BTBD10: variants seen among roughly 807,000 people sequenced by gnomAD.
The protein encoded by BTBD10 is BTB domain containing 10.
In BTBD10, 21 loss-of-function variants were observed where a neutral mutation model predicts 53.2. That is an observed-to-expected ratio of 0.39 (90% CI 0.28 to 0.57). The LOEUF is 0.57. BTBD10 is among the 20% of genes least tolerant of loss of function. The pLI, the probability that BTBD10 is intolerant of heterozygous loss-of-function variation, is 0.53. For synonymous variants in BTBD10, 149 were observed against 192.7 expected, an observed-to-expected ratio of 0.77 and a Z score of 1.88; for missense variants, 360 against 594.7, an observed-to-expected ratio of 0.61 and a Z score of 4.10.
At chr11:13,460,699 T>C (rs1303713666) in intron 1 of BTBD10, among the ~76,000 whole-genome samples, 1 of 152,232 alleles carries the variant, frequency 6.6e-6, no homozygotes, top group African/African-American at 2.4e-5. Context: ...TTCCATCCTG[T>C]TGCCAAACCC....
chr11:13,448,034 T>C (rs1950781001), intron 1 of BTBD10, among the ~76,000 whole-genome samples: 1 of 152,182 alleles, frequency 6.6e-6, no homozygotes, highest in Non-Finnish European at 1.5e-5. Flanking sequence ...TCTGATAATC[T>C]CTTCAGTTTT....
At chr11:13,452,375 T>C (rs972976112) in intron 1 of BTBD10, among the ~76,000 whole-genome samples, 2 of 152,152 alleles carry the variant, frequency 1.3e-5, no homozygotes, top group African/African-American at 2.4e-5. Flanking sequence ...ACCTTAATTG[T>C]GGTAGTGGTA....
intron 1 of BTBD10, among the ~76,000 whole-genome samples, chr11:13,461,543 T>C (rs1951097017): frequency 6.6e-6 from 1 of 152,178 alleles, no homozygotes; most frequent in African/African-American, 2.4e-5. Flanking sequence ...CTAAGTCACC[T>C]ATTATAAAAA....
intron 2 of BTBD10, among the ~76,000 whole-genome samples, chr11:13,422,418 C>A (rs559349428): frequency 6.6e-6 from 1 of 152,054 alleles, no homozygotes; most frequent in African/African-American, 2.4e-5. Context: ...GAGGCCAATG[C>A]GGGTGAATCG....
intron 1 of BTBD10, among the ~76,000 whole-genome samples, chr11:13,459,152 G>A (rs1204017283): frequency 6.7e-6 from 1 of 149,474 alleles, no homozygotes; most frequent in South Asian, 2.1e-4. Flanking sequence ...CGCCTCCCGG[G>A]TTCACGCCAT....
intron 2 of BTBD10, among the ~76,000 whole-genome samples, chr11:13,439,481 T>G (rs1186530932): frequency 1.3e-5 from 2 of 152,140 alleles, no homozygotes; most frequent in African/African-American, 4.8e-5. Context: ...CCTTAGTTCA[T>G]TCAAATGTAA....
At chr11:13,392,059 G>A (rs187196173) in intron 8 of BTBD10, among the ~76,000 whole-genome samples, 6 of 152,304 alleles carry the variant, frequency 3.9e-5, no homozygotes, top group African/African-American at 1.4e-4. Context: ...AGCAGCTACT[G>A]CATCACAAAA....
At chr11:13,437,127 C>A (rs543370109) in intron 2 of BTBD10, among the ~76,000 whole-genome samples, 1 of 152,280 alleles carries the variant, frequency 6.6e-6, no homozygotes, top group African/African-American at 2.4e-5. Flanking sequence ...GGCAACATAC[C>A]CAACTTTTTC....
At chr11:13,440,887 T>A (rs1950636735) in intron 2 of BTBD10, among the ~76,000 whole-genome samples, 1 of 152,206 alleles carries the variant, frequency 6.6e-6, no homozygotes, top group Non-Finnish European at 1.5e-5. Flanking sequence ...CTTTTCTTTT[T>A]CTTTTTTAAA....
At chr11:13,401,164 T>C (rs1311993107) in intron 8 of BTBD10, among the ~76,000 whole-genome samples, 2 of 150,692 alleles carry the variant, frequency 1.3e-5, no homozygotes, top group Admixed American at 6.7e-5. Flanking sequence ...CACACACACA[T>C]ATAATGTACT....
intron 2 of BTBD10, among the ~76,000 whole-genome samples, chr11:13,444,303 A>G (rs1591164291): frequency 7.0e-6 from 1 of 142,330 alleles, no homozygotes; most frequent in African/African-American, 3.1e-5. Context: ...TAAATGCTCA[A>G]TAATATCCCC....
intron 6 of BTBD10, among the ~76,000 whole-genome samples, chr11:13,412,381 A>G (rs1375470145): frequency 6.6e-6 from 1 of 152,128 alleles, no homozygotes; most frequent in Non-Finnish European, 1.5e-5. Context: ...TGAACTCAGG[A>G]AGCAGAGGTT....
intron 2 of BTBD10, among the ~76,000 whole-genome samples, chr11:13,423,262 G>T (rs1470910647): frequency 6.6e-6 from 1 of 152,132 alleles, no homozygotes; most frequent in Non-Finnish European, 1.5e-5. Context: ...GAAACAGAAG[G>T]AAGTTCATGG....
intron 3 of BTBD10, 89 bp from the exon 4 acceptor site, chr11:13,419,834 A>C (rs1950207344): frequency 8.3e-7 from 1 of 1,208,660 alleles, no homozygotes; most frequent in Non-Finnish European, 1.1e-6. Context: ...TGATTTATAA[A>C]AGTTGTTTTA....
intron 8 of BTBD10, among the ~76,000 whole-genome samples, chr11:13,389,802 T>C (rs1949360468): frequency 6.6e-6 from 1 of 152,236 alleles, no homozygotes. Context: ...AGCCTGCTAG[T>C]TTCCTTAAAC....
intron 1 of BTBD10, among the ~76,000 whole-genome samples, chr11:13,460,632 T>A (rs1429011492): frequency 6.6e-6 from 1 of 152,174 alleles, no homozygotes; most frequent in Non-Finnish European, 1.5e-5. Flanking sequence ...TAATGAACAA[T>A]GTAAGGAAGG....
At chr11:13,414,881 A>C (rs1313935505) in intron 5 of BTBD10, among the ~76,000 whole-genome samples, 1 of 148,152 alleles carries the variant, frequency 6.7e-6, no homozygotes, top group East Asian at 2.0e-4. Context: ...GACCTGTCTC[A>C]AGTTTTCCTG....
chr11:13,416,313 T>C (rs758736787), intron 5 of BTBD10, among the ~76,000 whole-genome samples: 3 of 152,082 alleles, frequency 2.0e-5, no homozygotes, highest in Middle Eastern at 3.4e-3. Context: ...GTGATCACAC[T>C]ACTGCACTGC....
chr11:13,412,653 T>C (rs1320593738), intron 6 of BTBD10, among the ~76,000 whole-genome samples: 3 of 152,218 alleles, frequency 2.0e-5, no homozygotes, highest in Non-Finnish European at 4.4e-5. Context: ...CTGGGCACTA[T>C]GGAAGATATA....
Sources: gnomAD v4.1 joint callset for allele counts (sites outside exome capture counted in the v4.1 genomes callset) on GRCh38, gnomAD v4.1.1 for gene constraint, MANE v1.5 for transcripts, NCBI Gene and HGNC (gene_info 2026-07-23, HGNC 2026-07-21) for gene names.